Variants in USP28 observed in about 807,000 individuals in gnomAD.
USP28 encodes ubiquitin carboxyl-terminal hydrolase 28.
Under a neutral mutation model 145.0 loss-of-function variants are expected in USP28, and 113 were observed. The ratio of observed to expected loss-of-function variants is 0.78; its 90% CI spans 0.67 to 0.91. USP28 has a LOEUF of 0.91. Ranked by LOEUF, USP28 falls within the 40% of genes least tolerant of loss-of-function variation. USP28 has a pLI of 0.00. For synonymous variants in USP28, 447 were observed against 450.9 expected (o/e 0.99, Z 0.11); for missense variants, 1,201 against 1,289.6 (o/e 0.93, Z 1.05).
At chr11:113,866,463 C>A (rs1948258036) in intron 1 of USP28, among the ~76,000 whole-genome samples, 10 of 152,032 alleles carry the variant, frequency 6.6e-5, no homozygotes, top group Admixed American at 6.6e-4. Flanking sequence ...ACGAGACAAC[C>A]CAATTCAAAA....
At chr11:113,837,569 C>T (rs1307763676) in intron 5 of USP28, among the ~76,000 whole-genome samples, 1 of 152,206 alleles carries the variant, frequency 6.6e-6, no homozygotes, top group Non-Finnish European at 1.5e-5. Flanking sequence ...TCAGCAGGGG[C>T]CCAAGCAAAT....
At chr11:113,871,502 C>A (rs977770420) in intron 1 of USP28, among the ~76,000 whole-genome samples, 1 of 152,206 alleles carries the variant, frequency 6.6e-6, no homozygotes, top group African/African-American at 2.4e-5. Flanking sequence ...GGCTTCTACG[C>A]ACTACATTCC....
Position 113,834,346 on chromosome 11 carries a change from G to T in USP28, c.535-11C>A, listed in dbSNP as rs199724825. ...CAATTGAAAGAGAGACTGAAATAAA[G>T]AAAGAAAGGGATTCATAGCCTTTCC... On this transcript the variant is annotated splice_polypyrimidine_tract_variant and intron_variant, in intron 5 of 24. Transcript: ENST00000003302. 5.7e-6 allele frequency: 9 copies of T among 1,587,200 alleles called. No homozygotes were observed. In the Admixed American group the frequency reaches 1.4e-4, roughly 24 times the overall value.
rs139360257 is a variant in USP28, at chr11:113,813,890, G to A, written c.1738C>T (p.Arg580Cys). The A allele has an allele frequency of 6.2e-6, 10 of 1,612,224 alleles. No homozygotes were observed. The East Asian group carries it at 8.9e-5, about 14-fold the overall frequency. ...CCCATCAATTTTCATTCTACCTGACGAAGGAGAGGATCGCAGTACATCTGT... is the reference window on the plus strand; with the variant it reads ...CCCATCAATTTTCATTCTACCTGACAAAGGAGAGGATCGCAGTACATCTGT... Residue 580 changes from arginine (R) to cysteine (C), a missense_variant, in exon 15 of 25, where the codon CGT (arginine) becomes TGT (cysteine). By Grantham distance (180) the Arg-to-Cys change is radical. Transcript: ENST00000003302.
chr11:113,855,355 A>T (rs988273752), intron 1 of USP28, among the ~76,000 whole-genome samples: 1 of 133,382 alleles, frequency 7.5e-6, no homozygotes, highest in African/African-American at 2.5e-5. Context: ...CAATCTAAAC[A>T]ACTGGCTGGC....
intron 1 of USP28, among the ~76,000 whole-genome samples, 189 bp from the exon 2 acceptor site, chr11:113,854,524 C>T (rs1183672761): frequency 6.6e-6 from 1 of 152,190 alleles, no homozygotes; most frequent in African/African-American, 2.4e-5. Context: ...GCCTCAGCCT[C>T]CCGAGTAGTT....
At chr11:113,826,919 CAA>C (rs201039687) in intron 11 of USP28, among the ~76,000 whole-genome samples, 13 of 100,112 alleles carry the variant, frequency 1.3e-4, no homozygotes, top group African/African-American at 1.1e-4. Flanking sequence ...AACTCTGTCT[CAA>C]AAAAAAAAAA....
chr11:113,800,839 TGA>T (rs1487683829), intron 24 of USP28, among the ~76,000 whole-genome samples: 2 of 148,550 alleles, frequency 1.3e-5, no homozygotes, highest in African/African-American at 4.9e-5. Flanking sequence ...ATACTCTGCA[TGA>T]TTTTTTTTTT....
At chr11:113,850,156 G>T (rs1331962708) in intron 3 of USP28, among the ~76,000 whole-genome samples, 1 of 152,098 alleles carries the variant, frequency 6.6e-6, no homozygotes, top group Admixed American at 6.5e-5. Context: ...CCCTGTTAAA[G>T]AGAGTATAAA....
chr11:113,871,759 AAAG>A (rs767864974), intron 1 of USP28, among the ~76,000 whole-genome samples: 12 of 152,314 alleles, frequency 7.9e-5, no homozygotes, highest in East Asian at 3.9e-4. Context: ...GTCAAGTAGA[AAAG>A]AAGATTATCT....
chr11:113,826,429 C>T (rs1255260482), intron 11 of USP28, among the ~76,000 whole-genome samples: 2 of 146,554 alleles, frequency 1.4e-5, no homozygotes, highest in South Asian at 2.2e-4. Flanking sequence ...GCTCACTGGC[C>T]CCACCAAGTA....
At chr11:113,822,551 C>G (rs917199632) in intron 12 of USP28, 1 of 151,898 alleles carries the variant, frequency 6.6e-6, no homozygotes, top group Non-Finnish European at 1.5e-5. Flanking sequence ...TGAGCACAGG[C>G]AATCCTCTTG....
At chr11:113,828,015 G>C (rs944701872) in intron 10 of USP28, among the ~76,000 whole-genome samples, 1 of 152,124 alleles carries the variant, frequency 6.6e-6, no homozygotes, top group Non-Finnish European at 1.5e-5. Flanking sequence ...AAGAAGGAAG[G>C]CACTGACATA....
At chr11:113,829,561 C>T (rs1268223691) in intron 9 of USP28, 2 of 544,546 alleles carry the variant, frequency 3.7e-6, no homozygotes, top group Non-Finnish European at 3.1e-6. Flanking sequence ...GGCTTCGTGG[C>T]TTATGCCTGT....
chr11:113,841,622 C>T (rs190839439), intron 4 of USP28, 41 bp downstream of exon 4: 4 of 1,399,834 alleles, frequency 2.9e-6, no homozygotes, highest in East Asian at 4.6e-5. Flanking sequence ...TTGAGATACA[C>T]ACAAATGTGG....
At chr11:113,801,771 C>T (rs1254493654) in intron 23 of USP28, 93 bp from the exon 25 acceptor site, 20 of 1,050,612 alleles carry the variant, frequency 1.9e-5, no homozygotes, top group African/African-American at 3.2e-5. Flanking sequence ...CCAAACTTTA[C>T]TGCACATTGG....
rs775386865 is a variant in USP28, at chr11:113,841,770, T to C, written c.269-2A>G. On this transcript the variant is annotated splice_acceptor_variant, in intron 3 of 24. Coordinates refer to ENST00000003302, the Ensembl canonical transcript of USP28. LOFTEE classifies it high-confidence loss of function. ...TATCATGAGTAAGGTCTATAACTTC[T>C]GTAAGATAAACAGAAATTTAATTAG... 1.0e-5 allele frequency: 16 copies of C among 1,604,106 alleles called. No homozygotes were observed. The highest frequency in any genetic ancestry group is 1.3e-5 in the Non-Finnish European group (15 of 1,174,062).
At chr11:113,875,552 G>T (rs906864952) in exon 1 of USP28, 4 of 1,121,828 alleles carry the variant, frequency 3.6e-6, no homozygotes, top group Non-Finnish European at 3.3e-6. Flanking sequence ...AGCCGCCGCC[G>T]GCCCAGCCTC....
chr11:113,875,475 G>A (rs921312008), exon 1 of USP28: 1 of 1,232,954 alleles, frequency 8.1e-7, no homozygotes, highest in Non-Finnish European at 1.0e-6. Flanking sequence ...CGCCGGCCGC[G>A]TCGTCCTGCT....
Sources: gnomAD v4.1 joint callset for allele counts (sites outside exome capture counted in the v4.1 genomes callset) on GRCh38, gnomAD v4.1.1 for gene constraint, MANE v1.5 for transcripts, NCBI Gene and HGNC (gene_info 2026-07-23, HGNC 2026-07-21) for gene names.